The following FGD5 variants were observed in gnomAD, a reference collection of about 807,000 sequenced individuals.
The protein encoded by FGD5 is FYVE, RhoGEF and PH domain containing 5, also known as FYVE, RhoGEF and PH domain-containing protein 5.
In FGD5, 28 loss-of-function variants were observed where a neutral mutation model predicts 133.4. The ratio of observed to expected loss-of-function variants is 0.21; its 90% CI spans 0.16 to 0.29. The LOEUF (loss-of-function observed/expected upper bound fraction) is 0.29. Among genes scored for constraint, FGD5 ranks in the 10% least tolerant of loss-of-function variants. FGD5 has a pLI of 1.00. For missense variants in FGD5, 1,858 were observed against 1,895.2 expected (o/e 0.98, Z 0.36); for synonymous variants, 810 against 776.5 (o/e 1.04, Z -0.72).
At chr3:14,855,065 A>G (rs1029605463) in intron 1 of FGD5, among the ~76,000 whole-genome samples, 3 of 152,036 alleles carry the variant, frequency 2.0e-5, no homozygotes, top group African/African-American at 4.8e-5. Context: ...TTTTACGTCT[A>G]TGAGGTTAGC....
At chr3:14,905,952 C>G (rs1028812420) in intron 9 of FGD5, among the ~76,000 whole-genome samples, 1 of 151,988 alleles carries the variant, frequency 6.6e-6, no homozygotes, top group Non-Finnish European at 1.5e-5. Context: ...CATGGCTGTT[C>G]ACGGTAGGGT....
At chr3:14,863,391 T>C (rs1366227660) in intron 1 of FGD5, among the ~76,000 whole-genome samples, 1 of 151,764 alleles carries the variant, frequency 6.6e-6, no homozygotes, top group African/African-American at 2.4e-5. Context: ...TGAGTTCACA[T>C]TTGAGGACAG....
intron 1 of FGD5, among the ~76,000 whole-genome samples, chr3:14,823,629 A>G (rs981214548): frequency 6.6e-6 from 1 of 152,254 alleles, no homozygotes; most frequent in African/African-American, 2.4e-5. Context: ...TCAGTAAGTT[A>G]CTGGAGAAAT....
At chr3:14,923,960 G>A (rs780532076) in intron 16 of FGD5, 48 bp from the exon 17 acceptor site, 9 of 1,610,422 alleles carry the variant, frequency 5.6e-6, no homozygotes, top group Admixed American at 3.4e-5. Context: ...AAGACAAGCC[G>A]CAGGCACGCC....
intron 1 of FGD5, among the ~76,000 whole-genome samples, chr3:14,835,499 CAAAAA>C (rs572373678): frequency 7.9e-6 from 1 of 126,446 alleles, no homozygotes; most frequent in Non-Finnish European, 1.7e-5. Flanking sequence ...GACTCTGTCT[CAAAAA>C]AAAAAAGAAA....
chr3:14,813,861 C>T (rs2036332184), intron 1 of FGD5, among the ~76,000 whole-genome samples: 1 of 152,182 alleles, frequency 6.6e-6, no homozygotes, highest in South Asian at 2.1e-4. Flanking sequence ...GAGCAGCAAG[C>T]ATGAACATGT....
chr3:14,873,861 A>G (rs1427347027), intron 2 of FGD5, among the ~76,000 whole-genome samples: 16 of 152,008 alleles, frequency 1.1e-4, no homozygotes, highest in Admixed American at 1.0e-3. Context: ...AGCTGGGACT[A>G]CAGGCTCACG....
At chr3:14,848,161 G>C (rs537551988) in intron 1 of FGD5, among the ~76,000 whole-genome samples, 3 of 152,282 alleles carry the variant, frequency 2.0e-5, no homozygotes, top group African/African-American at 7.2e-5. Flanking sequence ...TGTGAGCCCT[G>C]AAGACATGTG....
In FGD5 at chr3:14,820,304, T is replaced by G. The variant is rs773595545; in HGVS notation, c.1233T>G (p.Pro411=). The change falls in exon 1 of 20, where the codon CCT becomes CCG. Residue 411 remains proline, a synonymous_variant. Transcript: ENST00000285046. ...QGGAAEGPAA[P]DVVVVLEEEA... ...GAGCGGCCGAGGGTCCCGCAGCCCC[T>G]GATGTGGTGGTCGTGCTGGAGGAGG... 4 of 1,607,452 alleles carry G rather than the reference T, an allele frequency of 2.5e-6. No individual in the cohort carries two copies. In the South Asian group the frequency reaches 3.3e-5, roughly 13 times the overall value.
Position 14,922,528 on chromosome 3 carries a change from C to A in FGD5, c.3787C>A (p.His1263Asn). 1 of 1,582,578 alleles carries A rather than the reference C, an allele frequency of 6.3e-7. No homozygotes were observed. Among genetic ancestry groups the A allele is most frequent in the African/African-American group, 1.3e-5 (1 of 74,456 alleles). ...CDFSLTLRRH[H>N]CHACGKIVCR... ...CTTCTCCCTCACCCTGCGGCGTCAT[C>A]ACTGTCACGCCTGTGGCAAGGTGAG... is the stretch of plus-strand genomic sequence containing the variant. The change falls in exon 15 of 20, where the codon CAC (histidine) becomes AAC (asparagine). Residue 1263 changes from histidine (H) to asparagine (N), a missense_variant. Physicochemically the swap from His to Asn is moderately conservative, Grantham distance 68. This residue lies in a region of FGD5 where 1,824 missense variants were observed against 1,848.9 expected (regional missense o/e 0.99). Coordinates refer to ENST00000285046, the MANE Select transcript of FGD5 (RefSeq NM_152536.4). The surrounding 1 kb of genome is among the most constrained non-coding windows in gnomAD (Gnocchi z 4.1).
chr3:14,878,656 A>G (rs796325465), intron 2 of FGD5, among the ~76,000 whole-genome samples: 36 of 152,232 alleles, frequency 2.4e-4, no homozygotes, highest in African/African-American at 8.7e-4. Flanking sequence ...ATTGAGGCAC[A>G]GAGAGCTAAA....
intron 1 of FGD5, among the ~76,000 whole-genome samples, chr3:14,831,489 T>G (rs956675127): frequency 5.3e-5 from 8 of 152,074 alleles, no homozygotes; most frequent in Non-Finnish European, 1.2e-4. Flanking sequence ...CTCAGGCTGC[T>G]CTCCCACCCA....
chr3:14,843,822 C>T (rs2036973245), intron 1 of FGD5, among the ~76,000 whole-genome samples: 2 of 151,114 alleles, frequency 1.3e-5, no homozygotes, highest in South Asian at 4.2e-4. Flanking sequence ...TCCTGAGTAG[C>T]TGGGATTACA....
In FGD5 at chr3:14,842,981, A is replaced by G. The variant is rs115479746; in HGVS notation, c.2526-21147A>G. 2.0e-3 allele frequency among the ~76,000 whole-genome samples: 301 copies of G among 152,322 alleles called. 2 individuals carry two copies. The highest frequency in any genetic ancestry group is 7.0e-3 in the African/African-American group (290 of 41,566). On this transcript the variant is annotated intron_variant, in intron 1 of 19. Transcript: ENST00000285046. Reference sequence around the variant, plus strand: ...GAGCTGGGCCTCCTCCTCACTGTTGAAATAGAAAACAGAAGTATATTTTTA... The same window carrying G: ...GAGCTGGGCCTCCTCCTCACTGTTGGAATAGAAAACAGAAGTATATTTTTA...
chr3:14,911,416 T>G (rs1308206925), intron 11 of FGD5, among the ~76,000 whole-genome samples: 1 of 152,150 alleles, frequency 6.6e-6, no homozygotes, highest in Non-Finnish European at 1.5e-5. Flanking sequence ...TTTATCGGCC[T>G]TAGTGGCTGT....
intron 9 of FGD5, among the ~76,000 whole-genome samples, chr3:14,903,275 A>G (rs908979838): frequency 6.6e-6 from 1 of 152,200 alleles, no homozygotes; most frequent in Admixed American, 6.5e-5. Context: ...AAGCAATGTT[A>G]AATTTACAGA....
At chr3:14,900,851 CT>C (rs2125134972) in intron 8 of FGD5, among the ~76,000 whole-genome samples, 151 bp from the exon 9 acceptor site, 2 of 152,344 alleles carry the variant, frequency 1.3e-5, no homozygotes, top group East Asian at 3.9e-4. Context: ...GCCAGGGAAA[CT>C]GAGGCATGCA....
chr3:14,844,402 C>G (rs990101578), intron 1 of FGD5, among the ~76,000 whole-genome samples: 2 of 149,902 alleles, frequency 1.3e-5, no homozygotes, highest in African/African-American at 4.9e-5. Flanking sequence ...CTGCCCTGTA[C>G]CGTGTGGCTT....
intron 7 of FGD5, 63 bp downstream of exon 7, chr3:14,898,889 G>C: frequency 6.9e-7 from 1 of 1,439,154 alleles, no homozygotes; most frequent in African/African-American, 1.4e-5. Flanking sequence ...CCTGAGGAGG[G>C]GTGGAGGGGA....
Sources: allele counts gnomAD v4.1 joint callset (sites outside exome capture counted in the v4.1 genomes callset), GRCh38; gene constraint gnomAD v4.1.1; regional missense constraint gnomAD v4.1.1; non-coding constraint Gnocchi (gnomAD v3.1); transcripts MANE v1.5; gene names NCBI Gene and HGNC (gene_info 2026-07-23, HGNC 2026-07-21).